ZNF512B: variants seen among roughly 807,000 people sequenced by gnomAD.
The protein encoded by ZNF512B is zinc finger protein 512B.
In ZNF512B, 22 loss-of-function variants were observed where a neutral mutation model predicts 87.8. The ratio of observed to expected loss-of-function variants is 0.25; its 90% CI spans 0.18 to 0.36. The LOEUF (loss-of-function observed/expected upper bound fraction) is 0.36, where lower values mean the gene tolerates loss of function less well. Ranked by LOEUF, ZNF512B falls within the 10% of genes least tolerant of loss-of-function variation. The pLI is 1.00. For missense variants in ZNF512B, 1,060 were observed against 1,231.6 expected (o/e 0.86, Z 2.09); for synonymous variants, 524 against 490.9 (o/e 1.07, Z -0.89).
At position 63,966,426 on chromosome 20, in the gene ZNF512B, T is replaced by C; in HGVS notation, c.749A>G (p.Lys250Arg). Reference sequence around the variant, plus strand: ...GATGGGTTTGGTGACCGGCATGGCCTTGGTGACGGGCATGGGCCTGCTGAC... The same window carrying C: ...GATGGGTTTGGTGACCGGCATGGCCCTGGTGACGGGCATGGGCCTGCTGAC... ...VTVSRPMPVTKAMPVTKPITV... is the reference protein window; with the variant it reads ...VTVSRPMPVTRAMPVTKPITV... Residue 250 changes from lysine to arginine, a missense_variant, in exon 5 of 17, where the codon AAG (lysine) becomes AGG (arginine). By Grantham distance (26) the Lys-to-Arg change is conservative. Coordinates refer to ENST00000369888, the MANE Select transcript of ZNF512B (RefSeq NM_020713.3). The C allele has an allele frequency of 6.2e-7, 1 of 1,613,820 alleles. No homozygotes were observed.
Position 63,963,165 on chromosome 20 carries a change from G to C in ZNF512B, c.1898C>G (p.Thr633Ser), listed in dbSNP as rs1293558341. ...GGATCGGTACGTCTTGCCACAGTGG[G>C]TGCAGGGGAAGGAGGGGCTGTCCAC... ...CEVDSPSFPC[T>S]HCGKTYRSKA... Residue 633 changes from threonine to serine, a missense_variant, in exon 12 of 17, where the codon ACC becomes AGC. By Grantham distance (58) the Thr-to-Ser change is moderately conservative. This residue lies in a region of ZNF512B where 165 missense variants were observed against 173.0 expected (regional missense o/e 0.95). Transcript: ENST00000369888. 7 of 1,549,896 alleles carry C rather than the reference G, an allele frequency of 4.5e-6. No homozygotes were observed. Among genetic ancestry groups the C allele is most frequent in the Non-Finnish European group, 5.2e-6 (6 of 1,153,322 alleles).
chr20:63,961,132 C>A lies in ZNF512B; in HGVS notation c.2427+177G>T, dbSNP rs1264836787. Among the ~76,000 whole-genome samples, 2 of 152,184 alleles carry A rather than the reference C, an allele frequency of 1.3e-5. No individual in the cohort carries two copies. Among genetic ancestry groups the A allele is most frequent in the African/African-American group, 2.4e-5 (1 of 41,436 alleles). ...TCAGGGTGCAAGCCTCCCAGTTCTC[C>A]CAGGGAAGCCAGACCCCACTTTGAG... On this transcript the variant is annotated intron_variant, in intron 16 of 16. Coordinates refer to ENST00000369888, the MANE Select transcript of ZNF512B (RefSeq NM_020713.3). This position sits in a 1 kb window ranked among gnomAD's most constrained non-coding sequence, Gnocchi z 6.4.
chr20:63,964,808 C>A, intron 5 of ZNF512B, 92 bp from the exon 6 acceptor site: 1 of 1,459,062 alleles, frequency 6.9e-7, no homozygotes. Context: ...TGACCTGGAA[C>A]GAGCCCCCAT....
chr20:63,961,964 G>A lies in ZNF512B; in HGVS notation c.2306C>T (p.Ala769Val). Residue 769 changes from alanine to valine, a missense_variant, in exon 15 of 17, where the codon GCT becomes GTT. By Grantham distance (64) the Ala-to-Val change is moderately conservative (BLOSUM62 0). Around this residue, in one of 9 missense-constraint regions of ZNF512B, gnomAD observed 253 missense variants for 259.2 expected, o/e 0.98. Transcript: ENST00000369888. The surrounding 1 kb of genome is among the most constrained non-coding windows in gnomAD (Gnocchi z 6.4). ...GACCTTACTGCAGCTGGCGAGATGAGCCTTGAGTCCGGACACGCTGGAGTA... is the reference window on the plus strand; with the variant it reads ...GACCTTACTGCAGCTGGCGAGATGAACCTTGAGTCCGGACACGCTGGAGTA... ...AIYSSVSGLK[A>V]HLASCSKGAH... The A allele has an allele frequency of 6.4e-7, 1 of 1,551,122 alleles. No individual in the cohort carries two copies. The highest frequency in any genetic ancestry group is 8.7e-7 in the Non-Finnish European group (1 of 1,146,932).
rs2058721875 is a variant in ZNF512B at position 63,956,845 on chromosome 20, A to G, written c.*3043T>C. 1 of 153,234 alleles carries G rather than the reference A, an allele frequency of 6.5e-6. No individual in the cohort carries two copies. 9.5% of individuals were successfully genotyped at this position (153,234 alleles called of 1,614,324 possible). ...TGGTCACAAGGCGGGCGGGGCCCGA[A>G]CTCACCGTTGAAACATCTCGCAAAT... On this transcript the variant is annotated 3_prime_UTR_variant, in exon 17 of 17. Transcript: ENST00000369888.
In ZNF512B at chr20:63,963,346, T is replaced by C. The variant is rs2058877477; in HGVS notation, c.1793A>G (p.Gln598Arg). 3.9e-6 allele frequency: 6 copies of C among 1,541,246 alleles called. No homozygotes were observed. The South Asian group carries it at 5.9e-5, about 15-fold the overall frequency. ...LKQMGRLRCP[Q>R]EGCGAAFSSL... ...CTGCCGCGGCCCCCCACTGACCTCC[T>C]GGGGGCAGCGCAGCCGTCCCATCTG... The change falls in exon 11 of 17, where the codon CAG becomes CGG. Residue 598 changes from glutamine to arginine, a missense_variant. By Grantham distance (43) the Gln-to-Arg change is conservative. Transcript: ENST00000369888.
rs2058892082 is a variant in ZNF512B, at chr20:63,964,099, T to C, written c.1452A>G (p.Ala484=). ...PAAPITVSKE[A]PAPVAHPAPG... ...GAGCTGGGTGGGCCACAGGGGCCGGTGCCTCCTTGCTGACAGTGATGGGGG... is the reference window on the plus strand; with the variant it reads ...GAGCTGGGTGGGCCACAGGGGCCGGCGCCTCCTTGCTGACAGTGATGGGGG... The change falls in exon 8 of 17, where the codon GCA becomes GCG. Residue 484 remains alanine (A), a synonymous_variant. Transcript: ENST00000369888. 6.2e-7 allele frequency: 1 copy of C among 1,610,002 alleles called. No homozygotes were observed. The highest frequency in any genetic ancestry group is 8.5e-7 in the Non-Finnish European group (1 of 1,179,422).
chr20:63,964,889 T>G (rs2058906725), intron 5 of ZNF512B, among the ~76,000 whole-genome samples, 173 bp from the exon 6 acceptor site: 2 of 68,112 alleles, frequency 2.9e-5, no homozygotes, highest in South Asian at 1.0e-3. Context: ...TTCCCTGACC[T>G]GGGACGAGCC....
At position 63,962,715 on chromosome 20, in the gene ZNF512B, T is replaced by C. The variant is rs751153669; in HGVS notation, c.2035A>G (p.Ser679Gly). The change falls in exon 13 of 17, where the codon AGC becomes GGC. Residue 679 changes from serine to glycine, a missense_variant. Transcript: ENST00000369888. ...EDPLGVERTP[S>G]GRVRRTSAQV... The stretch of plus-strand genomic sequence containing the variant: ...GCCGACGTGCGGCGGACACGCCCGC[T>C]TGGGGTCCGCTCCACACCCAGCGGG... 1 of 1,603,144 alleles carries C rather than the reference T, an allele frequency of 6.2e-7. No homozygotes were observed. The highest frequency in any genetic ancestry group is 1.1e-5 in the South Asian group (1 of 89,290).
Position 63,963,750 on chromosome 20 carries a change from G to GGGCGCCTCCCTCCC in ZNF512B, c.1605+25_1605+38dup. 7 of 1,613,052 alleles carry GGGCGCCTCCCTCCC rather than the reference G, an allele frequency of 4.3e-6. 1 individual carries two copies. Among genetic ancestry groups the GGGCGCCTCCCTCCC allele is most frequent in the Non-Finnish European group, 5.9e-6 (7 of 1,180,012 alleles). On this transcript the variant is annotated intron_variant, in intron 9 of 16. Transcript: ENST00000369888. Reference sequence around the variant, plus strand: ...CATGTGAGAAGCCTGCCTGGGGCCAGGGCGCCTCCCTCCCAGCGCCTTCCG... The same window carrying GGGCGCCTCCCTCCC: ...CATGTGAGAAGCCTGCCTGGGGCCAGGGCGCCTCCCTCCCGGCGCCTCCCTCCCAGCGCCTTCCG...
rs762571743 is a variant in ZNF512B at position 63,967,509 on chromosome 20, G to A, written c.136C>T (p.Arg46Cys). ...TGGCCGGGCACTGTCTGTCCACCAC[G>A]GACCACCGGCATCCCTGCAGCACAC... ...DPPKMGMPVV[R>C]GGQTVPGQAP... Residue 46 changes from arginine to cysteine, a missense_variant, in exon 3 of 17, where the codon CGT (arginine) becomes TGT (cysteine). By Grantham distance (180) the Arg-to-Cys change is radical. Coordinates refer to ENST00000369888, the MANE Select transcript of ZNF512B (RefSeq NM_020713.3). The A allele has an allele frequency of 8.7e-6, 14 of 1,603,584 alleles. No individual in the cohort carries two copies. Among genetic ancestry groups the A allele is most frequent in the Middle Eastern group, 1.7e-4 (1 of 6,042 alleles).
rs541608366 is a variant in ZNF512B at position 63,963,852 on chromosome 20, G to A, written c.1542C>T (p.Thr514=). The change falls in exon 9 of 17, where the codon ACC becomes ACT. Residue 514 remains threonine (T), a synonymous_variant. Transcript: ENST00000369888. ...GAGTCTTCCGGGTGACCACGTTGCA[G>A]GTGGGGCAGACGGCTTCCCCGCGCT... ...IHERGEAVCP[T]CNVVTRKTLV... 2 of 1,612,772 alleles carry A rather than the reference G, an allele frequency of 1.2e-6. No homozygotes were observed. The highest frequency in any genetic ancestry group is 1.7e-6 in the Non-Finnish European group (2 of 1,180,010).
At position 63,963,705 on chromosome 20, in the gene ZNF512B, C is replaced by T. The variant is rs771114234; in HGVS notation, c.1611G>A (p.Gln537=). ...GGCAGTGCTGGCACTTGAGTGCATC[C>T]TGAAGCTGCAGATGGCCCACATGTG... The part of the protein sequence containing the change: ...KKHMEVCQKL[Q]DALKCQHCRK... Residue 537 remains glutamine (Q), a synonymous_variant, in exon 10 of 17, where the codon CAG becomes CAA. Coordinates refer to ENST00000369888, the MANE Select transcript of ZNF512B (RefSeq NM_020713.3). 6.2e-7 allele frequency: 1 copy of T among 1,613,396 alleles called. No individual in the cohort carries two copies. Among genetic ancestry groups the T allele is most frequent in the Non-Finnish European group, 8.5e-7 (1 of 1,180,026 alleles).
In ZNF512B at chr20:63,961,252, G is replaced by A. The variant is rs2058847378; in HGVS notation, c.2427+57C>T. ...TACCCCCAAGGGGTGCCCAACCCCA[G>A]CCCTGTCCCCTCCTGGGCTAGCCCC... On this transcript the variant is annotated intron_variant, in intron 16 of 16. Transcript: ENST00000369888. This position sits in a 1 kb window ranked among gnomAD's most constrained non-coding sequence, Gnocchi z 6.4. The A allele has an allele frequency of 3.0e-5, 47 of 1,568,770 alleles. No homozygotes were observed. Among genetic ancestry groups the A allele is most frequent in the South Asian group, 2.7e-4 (24 of 90,098 alleles).
In ZNF512B at chr20:63,959,867, G is replaced by A. The variant is rs769611631; in HGVS notation, c.*21C>T. The A allele has an allele frequency of 2.6e-6, 4 of 1,543,482 alleles. No homozygotes were observed. The highest frequency in any genetic ancestry group is 3.5e-6 in the Non-Finnish European group (4 of 1,153,288). On this transcript the variant is annotated 3_prime_UTR_variant, in exon 17 of 17. Coordinates refer to ENST00000369888, the MANE Select transcript of ZNF512B (RefSeq NM_020713.3). ...AGGGCGGTGTGGCGGCTGCATGGGG[G>A]CCAGGCCCCACGCACCATGCTCACT... is the stretch of plus-strand genomic sequence containing the variant.
At position 63,962,841 on chromosome 20, in the gene ZNF512B, G is replaced by T. The variant is rs146654183; in HGVS notation, c.1969-60C>A. On this transcript the variant is annotated intron_variant, in intron 12 of 16. Coordinates refer to ENST00000369888, the MANE Select transcript of ZNF512B (RefSeq NM_020713.3). ...CCGCGGGAGCAAGAGTCAGGTCAGC[G>T]CGCGGCGAGGCCACCCTAAGGCCGG... The T allele has an allele frequency of 2.7e-6, 4 of 1,471,070 alleles. No homozygotes were observed. The East Asian group carries it at 9.5e-5, about 35-fold the overall frequency. The allele number at this position is 1,471,070 out of a possible 1,614,324, so 91.1% of individuals were successfully genotyped here.
Position 63,963,324 on chromosome 20 carries a change from C to T in ZNF512B, c.1797+18G>A. The T allele has an allele frequency of 6.5e-7, 1 of 1,538,072 alleles. No individual in the cohort carries two copies. On this transcript the variant is annotated intron_variant, in intron 11 of 16. Coordinates refer to ENST00000369888, the MANE Select transcript of ZNF512B (RefSeq NM_020713.3). ...AGCAGGGCCCCCCCACCCCACACTG[C>T]CGCGGCCCCCCACTGACCTCCTGGG...
At position 63,959,809 on chromosome 20, in the gene ZNF512B, CAG is replaced by C; in HGVS notation, c.*77_*78del. The C allele has an allele frequency of 6.7e-7, 1 of 1,491,660 alleles. No homozygotes were observed. Among genetic ancestry groups the C allele is most frequent in the Non-Finnish European group, 8.9e-7 (1 of 1,129,556 alleles). 92.4% of individuals were successfully genotyped at this position (1,491,660 alleles called of 1,614,324 possible). A position where few individuals can be genotyped will look rare whatever the true frequency, so the allele number is the denominator to read the frequency against. ...GGGTGGGGGATGGAGAACTGGAGGACAGAGGTCCCGGAGCTGGCCCTGCCTTG... is the reference window on the plus strand; with the variant it reads ...GGGTGGGGGATGGAGAACTGGAGGACAGGTCCCGGAGCTGGCCCTGCCTTG... On this transcript the variant is annotated 3_prime_UTR_variant, in exon 17 of 17. Coordinates refer to ENST00000369888, the MANE Select transcript of ZNF512B (RefSeq NM_020713.3).
chr20:63,964,668 C>T lies in ZNF512B; in HGVS notation c.1083G>A (p.Arg361=). ...DTCPIPPKQA[R]PENGEYGPSS... The stretch of plus-strand genomic sequence containing the variant: ...AGGGGCCGTACTCCCCATTCTCTGG[C>T]CTGGCCTGCTTGGGTGGAATTGGGC... Residue 361 remains arginine (R), a synonymous_variant, in exon 6 of 17, where the codon AGG becomes AGA. Transcript: ENST00000369888. 1 of 1,612,176 alleles carries T rather than the reference C, an allele frequency of 6.2e-7. No homozygotes were observed. Among genetic ancestry groups the T allele is most frequent in the East Asian group, 2.2e-5 (1 of 44,858 alleles).
Sources: gnomAD v4.1 joint callset for allele counts (sites outside exome capture counted in the v4.1 genomes callset) on GRCh38, gnomAD v4.1.1 for gene constraint, gnomAD v4.1.1 regional missense constraint, Gnocchi (gnomAD v3.1) non-coding constraint, MANE v1.5 for transcripts, NCBI Gene and HGNC (gene_info 2026-07-23, HGNC 2026-07-21) for gene names.